Variants in BTRC observed in about 807,000 individuals in gnomAD.
The protein encoded by BTRC is F-box/WD repeat-containing protein 1A.
BTRC carries 42 observed loss-of-function variants against 85.5 expected under a neutral mutation model. The ratio of observed to expected loss-of-function variants is 0.49; its 90% CI spans 0.38 to 0.64. BTRC has a LOEUF of 0.64. Ranked by LOEUF, BTRC falls within the 30% of genes least tolerant of loss-of-function variation. The pLI is 0.00. For missense variants in BTRC, 594 were observed against 743.5 expected (o/e 0.80, Z 2.34); for synonymous variants, 255 against 263.3 (o/e 0.97, Z 0.30).
At chr10:101,550,605 C>G in intron 13 of BTRC, 94 bp from the exon 14 acceptor site, 1 of 1,371,444 alleles carries the variant, frequency 7.3e-7, no homozygotes, top group Non-Finnish European at 1.0e-6. Context: ...AAACCATAGC[C>G]TTTCCGTAGA....
chr10:101,406,150 A>G (rs970330943), intron 1 of BTRC, among the ~76,000 whole-genome samples: 9 of 151,510 alleles, frequency 5.9e-5, no homozygotes, highest in African/African-American at 2.2e-4. Flanking sequence ...TTTTATAATT[A>G]TGAAATAGTC....
intron 13 of BTRC, among the ~76,000 whole-genome samples, chr10:101,542,676 A>G (rs964701843): frequency 1.1e-4 from 17 of 152,152 alleles, no homozygotes; most frequent in African/African-American, 4.1e-4. Context: ...GGCTCTGTCA[A>G]TCCACCCACC....
At chr10:101,543,708 T>C (rs1358639002) in intron 13 of BTRC, among the ~76,000 whole-genome samples, 1 of 152,124 alleles carries the variant, frequency 6.6e-6, no homozygotes, top group Non-Finnish European at 1.5e-5. Flanking sequence ...GGGTTTACAA[T>C]AGTTATCTCT....
At chr10:101,467,209 A>AG (rs1945397717) in intron 3 of BTRC, among the ~76,000 whole-genome samples, 1 of 148,274 alleles carries the variant, frequency 6.7e-6, no homozygotes, top group Non-Finnish European at 1.5e-5. Flanking sequence ...AAAAAAAAAA[A>AG]CACAGAATTT....
chr10:101,488,394 T>G (rs149499745), intron 4 of BTRC, among the ~76,000 whole-genome samples: 1 of 152,304 alleles, frequency 6.6e-6, no homozygotes, highest in East Asian at 1.9e-4. Flanking sequence ...GAACTGAATA[T>G]CAATCAAGTA....
intron 2 of BTRC, among the ~76,000 whole-genome samples, chr10:101,432,265 C>T (rs1376961165): frequency 6.6e-6 from 1 of 151,752 alleles, no homozygotes; most frequent in African/African-American, 2.4e-5. Context: ...GTAGCTGAGA[C>T]TACAGGCACA....
intron 4 of BTRC, among the ~76,000 whole-genome samples, chr10:101,514,948 G>A (rs1374846319): frequency 2.6e-5 from 4 of 151,982 alleles, no homozygotes; most frequent in African/African-American, 4.8e-5. Flanking sequence ...GTTTTTTAGG[G>A]TTTTGTTTGT....
At chr10:101,512,590 T>G (rs1345791055) in intron 4 of BTRC, among the ~76,000 whole-genome samples, 1 of 152,208 alleles carries the variant, frequency 6.6e-6, no homozygotes, top group East Asian at 1.9e-4. Flanking sequence ...GTCAGCATAC[T>G]TAGTATTACA....
chr10:101,367,043 A>T lies in BTRC; in HGVS notation c.48+12815A>T, dbSNP rs868076308. Among the ~76,000 whole-genome samples, 143 of 43,360 alleles carry T rather than the reference A, an allele frequency of 3.3e-3. 6 individuals are homozygous for T. Among genetic ancestry groups the T allele is most frequent in the Admixed American group, 0.012 (27 of 2,164 alleles). The allele number at this position is 43,360 out of a possible 152,430, so 28.4% of individuals were successfully genotyped here. The stretch of plus-strand genomic sequence containing the variant: ...TTATATTTATATATTTATATATATA[A>T]ATATATATATATATAAATATAAATA... On this transcript the variant is annotated intron_variant, in intron 1 of 14. Transcript: ENST00000370187.
intron 2 of BTRC, among the ~76,000 whole-genome samples, chr10:101,456,196 A>T (rs900438326): frequency 6.6e-6 from 1 of 151,762 alleles, no homozygotes. Flanking sequence ...GATGATTGCC[A>T]CTCTAGTGTA....
intron 1 of BTRC, among the ~76,000 whole-genome samples, chr10:101,422,167 C>G: frequency 6.6e-6 from 1 of 152,328 alleles, no homozygotes; most frequent in East Asian, 1.9e-4. Context: ...ACCATTCTAA[C>G]TGGCGTGAGA....
At chr10:101,473,203 C>T (rs554902939) in intron 3 of BTRC, among the ~76,000 whole-genome samples, 5 of 131,782 alleles carry the variant, frequency 3.8e-5, no homozygotes, top group Middle Eastern at 3.5e-3. Context: ...TTCAGTTTAT[C>T]TATCTTTTTT....
At chr10:101,536,451 A>AT (rs1354967020) in intron 11 of BTRC, 92 bp from the exon 12 acceptor site, 1 of 881,902 alleles carries the variant, frequency 1.1e-6, no homozygotes, top group African/African-American at 1.7e-5. Flanking sequence ...TATTTTATGA[A>AT]TTTTTAGAAG....
At position 101,446,308 on chromosome 10, in the gene BTRC, T is replaced by C. The variant is rs187854516; in HGVS notation, c.157-15673T>C. Among the ~76,000 whole-genome samples, 300 of 152,268 alleles carry C rather than the reference T, an allele frequency of 2.0e-3. 1 individual carries two copies. The highest frequency in any genetic ancestry group is 3.7e-3 in the Non-Finnish European group (255 of 68,016). ...TTTTGTCCCTCACATCCTGTGTCCC[T>C]TGCCATTATTGTGAGGTTGTCTTTG... is the stretch of plus-strand genomic sequence containing the variant. On this transcript the variant is annotated intron_variant, in intron 2 of 14. Transcript: ENST00000370187.
chr10:101,479,562 A>G (rs192056444), intron 4 of BTRC, 105 bp downstream of exon 4: 160 of 854,274 alleles, frequency 1.9e-4, no homozygotes, highest in African/African-American at 1.8e-3. Flanking sequence ...AGGATTATAT[A>G]GTTAAGAAAA....
At chr10:101,505,633 A>T (rs976550851) in intron 4 of BTRC, among the ~76,000 whole-genome samples, 9 of 134,394 alleles carry the variant, frequency 6.7e-5, no homozygotes, top group South Asian at 4.5e-4. Context: ...AAAATAAAAA[A>T]AAAAAAATAA....
intron 2 of BTRC, among the ~76,000 whole-genome samples, chr10:101,457,197 A>G (rs1017870852): frequency 7.9e-5 from 12 of 152,224 alleles, no homozygotes; most frequent in Non-Finnish European, 1.5e-4. Flanking sequence ...CCTTCTTATG[A>G]TGATGTGAGA....
chr10:101,438,220 A>T (rs1944581886), intron 2 of BTRC, among the ~76,000 whole-genome samples: 1 of 151,912 alleles, frequency 6.6e-6, no homozygotes. Context: ...AAGTCAGGAG[A>T]TTGAGACCAT....
At chr10:101,413,903 A>G (rs1337952638) in intron 1 of BTRC, among the ~76,000 whole-genome samples, 5 of 152,060 alleles carry the variant, frequency 3.3e-5, no homozygotes, top group Non-Finnish European at 7.4e-5. Context: ...GTTTTGTTGA[A>G]TATCTTAAAT....
Sources: allele counts gnomAD v4.1 joint callset (sites outside exome capture counted in the v4.1 genomes callset), GRCh38; gene constraint gnomAD v4.1.1; transcripts MANE v1.5; gene names NCBI Gene and HGNC (gene_info 2026-07-23, HGNC 2026-07-21).